The following RCAN3 variants were observed in gnomAD, a reference collection of about 807,000 sequenced individuals.
RCAN3 encodes regulator of calcineurin 3.
Under a neutral mutation model 21.9 loss-of-function variants are expected in RCAN3, and 19 were observed. That is an observed-to-expected ratio of 0.87 (90% CI 0.61 to 1.27). The LOEUF (loss-of-function observed/expected upper bound fraction) is 1.27. Ranked by LOEUF, RCAN3 falls within the 50% of genes most tolerant of loss-of-function variation. RCAN3 has a pLI of 0.00. For missense variants in RCAN3, 240 were observed against 300.1 expected (o/e 0.80, Z 1.48); for synonymous variants, 114 against 112.3 (o/e 1.01, Z -0.09).
chr1:24,521,121 G>A (rs1648768620), intron 2 of RCAN3, among the ~76,000 whole-genome samples: 1 of 152,132 alleles, frequency 6.6e-6, no homozygotes, highest in Admixed American at 6.6e-5. Context: ...AGAGATGGAT[G>A]GAATTGAATA....
rs1454378162 is a variant in RCAN3 at position 24,536,402 on chromosome 1, T to C, written c.*1125T>C. On this transcript the variant is annotated 3_prime_UTR_variant, in exon 5 of 5. Coordinates refer to ENST00000374395, the MANE Select transcript of RCAN3 (RefSeq NM_013441.4). ...TTGAAATTTTGTACCCGGATTGCAG[T>C]TGGCACTTTTCCTAAAACAGAATTG... 1.3e-5 allele frequency: 2 copies of C among 152,254 alleles called. No individual in the cohort carries two copies. Among genetic ancestry groups the C allele is most frequent in the Non-Finnish European group, 1.5e-5 (1 of 68,040 alleles). The allele number at this position is 152,254 out of a possible 1,614,324, so 9.4% of individuals were successfully genotyped here. A position where few individuals can be genotyped will look rare whatever the true frequency, so the allele number is the denominator to read the frequency against.
rs1650422801 is a variant in RCAN3, at chr1:24,540,103, G to T, written c.*4826G>T. On this transcript the variant is annotated 3_prime_UTR_variant, in exon 5 of 5. Coordinates refer to ENST00000374395, the MANE Select transcript of RCAN3 (RefSeq NM_013441.4). ...TTCGTCAGAATGCCGTTGTTTCATTGTGAATCAGGGGAAAATGTTAATCAT... is the reference window on the plus strand; with the variant it reads ...TTCGTCAGAATGCCGTTGTTTCATTTTGAATCAGGGGAAAATGTTAATCAT... 1 of 152,174 alleles carries T rather than the reference G, an allele frequency of 6.6e-6. No homozygotes were observed. Among genetic ancestry groups the T allele is most frequent in the African/African-American group, 2.4e-5 (1 of 41,422 alleles). 9.4% of individuals were successfully genotyped at this position (152,174 alleles called of 1,614,324 possible).
intron 1 of RCAN3, among the ~76,000 whole-genome samples, chr1:24,506,243 C>T (rs1028489248): frequency 3.3e-5 from 5 of 151,910 alleles, no homozygotes; most frequent in African/African-American, 2.4e-5. Context: ...CTCTAGCCCG[C>T]ATGACAGAGA....
At chr1:24,531,066 A>T (rs1649719336) in intron 2 of RCAN3, 152 bp from the exon 3 acceptor site, 2 of 541,080 alleles carry the variant, frequency 3.7e-6, no homozygotes, top group African/African-American at 4.0e-5. Context: ...GTTCTTGTAT[A>T]TGTGCAAGAA....
intron 1 of RCAN3, among the ~76,000 whole-genome samples, chr1:24,511,027 C>T (rs1647834660): frequency 6.6e-6 from 1 of 152,146 alleles, no homozygotes. Flanking sequence ...ATTAAGAACA[C>T]CCATGGCCGG....
At chr1:24,533,834 G>C (rs1250297570) in intron 4 of RCAN3, among the ~76,000 whole-genome samples, 1 of 152,102 alleles carries the variant, frequency 6.6e-6, no homozygotes, top group Non-Finnish European at 1.5e-5. Context: ...AGTATTAAAT[G>C]ATGTATAGAT....
chr1:24,523,083 A>G (rs1267341639), intron 2 of RCAN3, among the ~76,000 whole-genome samples: 1 of 146,262 alleles, frequency 6.8e-6, no homozygotes, highest in Non-Finnish European at 1.5e-5. Context: ...TTTTTTTTTG[A>G]GACAGAGTCT....
chr1:24,508,198 C>G (rs937413423), intron 1 of RCAN3, among the ~76,000 whole-genome samples: 2 of 152,154 alleles, frequency 1.3e-5, no homozygotes, highest in African/African-American at 4.8e-5. Flanking sequence ...TTTGAATGTA[C>G]CCATATGGAT....
At chr1:24,524,778 T>G (rs1649116147) in intron 2 of RCAN3, among the ~76,000 whole-genome samples, 2 of 152,144 alleles carry the variant, frequency 1.3e-5, no homozygotes, top group Non-Finnish European at 1.5e-5. Context: ...AAGCCATTCC[T>G]TCTCAAGAGT....
At chr1:24,505,350 C>T (rs969691593) in intron 1 of RCAN3, among the ~76,000 whole-genome samples, 2 of 151,246 alleles carry the variant, frequency 1.3e-5, no homozygotes, top group African/African-American at 4.9e-5. Context: ...AGTATTCCTC[C>T]CACCACAGCC....
At chr1:24,518,649 G>A (rs1028897152) in intron 2 of RCAN3, among the ~76,000 whole-genome samples, 6 of 152,182 alleles carry the variant, frequency 3.9e-5, no homozygotes, top group South Asian at 4.1e-4. Flanking sequence ...CTGGAATGTG[G>A]TGGCATGATC....
intron 1 of RCAN3, among the ~76,000 whole-genome samples, chr1:24,505,225 C>CTTTTTTTT (rs1351108344): frequency 1.6e-3 from 171 of 109,546 alleles, no homozygotes; most frequent in Non-Finnish European, 1.8e-3. Flanking sequence ...TTTTTTTTCT[C>CTTTTTTTT]TTTTTTCTTT....
At chr1:24,528,357 A>G (rs1430372589) in intron 2 of RCAN3, among the ~76,000 whole-genome samples, 1 of 152,218 alleles carries the variant, frequency 6.6e-6, no homozygotes, top group Non-Finnish European at 1.5e-5. Context: ...GTAATCAACA[A>G]TGGACTAGTT....
chr1:24,503,157 A>C lies in RCAN3; in HGVS notation c.-60+7A>C, dbSNP rs1377782911. On this transcript the variant is annotated splice_region_variant and intron_variant, in intron 1 of 4. Coordinates refer to ENST00000374395, the MANE Select transcript of RCAN3 (RefSeq NM_013441.4). ...CGCCCGGCCTCTCCAGCAGGTTTGC[A>C]CCCAGCGCGGGGCGGGGCGGGGCGG... The C allele has an allele frequency of 2.4e-5, 3 of 125,688 alleles. No homozygotes were observed. Among genetic ancestry groups the C allele is most frequent in the Non-Finnish European group, 5.0e-5 (3 of 59,966 alleles). 7.8% of individuals were successfully genotyped at this position (125,688 alleles called of 1,614,324 possible). A position where few individuals can be genotyped will look rare whatever the true frequency, so the allele number is the denominator to read the frequency against.
At chr1:24,509,246 C>T (rs1647698457) in intron 1 of RCAN3, among the ~76,000 whole-genome samples, 1 of 152,136 alleles carries the variant, frequency 6.6e-6, no homozygotes. Context: ...GCTGACTGAT[C>T]AGGGTGGTGA....
intron 3 of RCAN3, among the ~76,000 whole-genome samples, chr1:24,531,842 C>T (rs1483052599): frequency 6.6e-6 from 1 of 152,126 alleles, no homozygotes; most frequent in Non-Finnish European, 1.5e-5. Flanking sequence ...GGGCTGTCTT[C>T]GACTTTGAAA....
chr1:24,517,770 A>T (rs781532813), intron 2 of RCAN3, among the ~76,000 whole-genome samples: 3 of 152,174 alleles, frequency 2.0e-5, no homozygotes, highest in African/African-American at 7.2e-5. Context: ...AGGCAAGAGG[A>T]TCGCTTGAGA....
chr1:24,534,330 C>T (rs1341491807), intron 4 of RCAN3, among the ~76,000 whole-genome samples: 14 of 152,080 alleles, frequency 9.2e-5, no homozygotes, highest in African/African-American at 2.9e-4. Flanking sequence ...TGGCTGGGTG[C>T]GGTGGCTCAC....
chr1:24,535,365 C>G lies in RCAN3; in HGVS notation c.*88C>G. The G allele has an allele frequency of 7.1e-7, 1 of 1,407,062 alleles. No individual in the cohort carries two copies. Among genetic ancestry groups the G allele is most frequent in the African/African-American group, 1.5e-5 (1 of 67,610 alleles). The allele number at this position is 1,407,062 out of a possible 1,614,324, so 87.2% of individuals were successfully genotyped here. A position where few individuals can be genotyped will look rare whatever the true frequency, so the allele number is the denominator to read the frequency against. The stretch of plus-strand genomic sequence containing the variant: ...GCGGCCGATGCGTTGCTGCGAACAG[C>G]ATAGGTGAGACTCTGCCGAGTGAGG... On this transcript the variant is annotated 3_prime_UTR_variant, in exon 5 of 5. Transcript: ENST00000374395.
Sources: allele counts gnomAD v4.1 joint callset (sites outside exome capture counted in the v4.1 genomes callset), GRCh38; gene constraint gnomAD v4.1.1; transcripts MANE v1.5; gene names NCBI Gene and HGNC (gene_info 2026-07-23, HGNC 2026-07-21).